Variants in C12orf56 observed in about 807,000 individuals in gnomAD.
C12orf56 encodes uncharacterized protein C12orf56.
A neutral mutation model predicts 69.9 loss-of-function variants in C12orf56; 71 were observed. The observed-to-expected ratio is 1.02, with a 90% CI of 0.84 to 1.24. C12orf56 has a LOEUF of 1.24. Among genes scored for constraint, C12orf56 ranks in the 50% most tolerant of loss-of-function variants. The pLI is 0.00. For missense variants in C12orf56, 732 were observed against 738.5 expected (o/e 0.99, Z 0.10); for synonymous variants, 276 against 274.1 (o/e 1.01, Z -0.07).
At chr12:64,308,111 G>T (rs2038540293) in intron 5 of C12orf56, among the ~76,000 whole-genome samples, 2 of 152,080 alleles carry the variant, frequency 1.3e-5, no homozygotes, top group Admixed American at 1.3e-4. Flanking sequence ...CTGAGCTTAG[G>T]ATTTCGAGAC....
rs1592448654 is a variant in C12orf56 at position 64,318,467 on chromosome 12, C to T, written c.894+108G>A. ...TGTTTTTCACAATATTATTAAATTC[C>T]AAGGCTAAATTTCCAAAATGGGAGG... On this transcript the variant is annotated intron_variant, in intron 4 of 12. Coordinates refer to ENST00000543942, the MANE Select transcript of C12orf56 (RefSeq NM_001170633.2). The T allele has an allele frequency of 2.0e-5, 19 of 942,042 alleles. No individual in the cohort carries two copies. In the East Asian group the frequency reaches 4.8e-4, roughly 24 times the overall value. 58.4% of individuals were successfully genotyped at this position (942,042 alleles called of 1,614,324 possible). A position where few individuals can be genotyped will look rare whatever the true frequency, so the allele number is the denominator to read the frequency against.
intron 5 of C12orf56, among the ~76,000 whole-genome samples, chr12:64,304,632 A>G (rs1409118962): frequency 2.0e-5 from 3 of 152,168 alleles, no homozygotes; most frequent in African/African-American, 7.2e-5. Context: ...AGCAACTTGG[A>G]AAAAATGTCA....
Position 64,390,457 on chromosome 12 carries a change from C to A in C12orf56, c.109G>T (p.Glu37Ter). Residue 37 changes from glutamate to a stop codon, truncating the protein, a stop_gained, in exon 1 of 13, where the codon GAG (glutamate) becomes TAG (stop). Transcript: ENST00000543942. LOFTEE classifies it high-confidence loss of function. ...PEVYDAVRAY[E>*]PCIVVSNSEN... ...GAGTTGGACACCACGATGCATGGCT[C>A]GTAGGCGCGGACCGCGTCGTAGACC... 6.2e-7 allele frequency: 1 copy of A among 1,609,530 alleles called. No homozygotes were observed. The highest frequency in any genetic ancestry group is 8.5e-7 in the Non-Finnish European group (1 of 1,179,702).
At chr12:64,330,751 T>G (rs6581540) in intron 3 of C12orf56, among the ~76,000 whole-genome samples, 13 of 151,938 alleles carry the variant, frequency 8.6e-5, no homozygotes, top group Non-Finnish European at 1.8e-4. Flanking sequence ...TGTTCAGTAA[T>G]ATATAGAAAA....
In C12orf56 at chr12:64,380,140, CAAACA is replaced by C. The variant is rs1247150741; in HGVS notation, c.252+10169_252+10173del. Among the ~76,000 whole-genome samples the C allele has an allele frequency of 3.6e-3, 113 of 31,660 alleles. 2 individuals carry two copies. The highest frequency in any genetic ancestry group is 9.0e-3 in the African/African-American group (112 of 12,472). The allele number at this position is 31,660 out of a possible 152,430, so 20.8% of individuals were successfully genotyped here. A position where few individuals can be genotyped will look rare whatever the true frequency, so the allele number is the denominator to read the frequency against. On this transcript the variant is annotated intron_variant, in intron 1 of 12. Transcript: ENST00000543942. ...AAAAAAAAAAAAAAAAAAAACAAAA[CAAACA>C]AAAAAAAACGCACAATGCAGCTAAA...
intron 2 of C12orf56, among the ~76,000 whole-genome samples, chr12:64,352,157 T>C (rs1220759777): frequency 6.6e-6 from 1 of 151,434 alleles, no homozygotes; most frequent in Non-Finnish European, 1.5e-5. Flanking sequence ...CCCCTCTCCC[T>C]GGGCAAACAA....
At chr12:64,389,972 T>C (rs1347117733) in intron 1 of C12orf56, among the ~76,000 whole-genome samples, 1 of 152,164 alleles carries the variant, frequency 6.6e-6, no homozygotes, top group East Asian at 1.9e-4. Flanking sequence ...CCTCCGAGTC[T>C]AGCACAGTGC....
chr12:64,298,958 T>C (rs970791165), intron 6 of C12orf56, among the ~76,000 whole-genome samples: 3 of 152,234 alleles, frequency 2.0e-5, no homozygotes, highest in Non-Finnish European at 4.4e-5. Context: ...ATTGAATCTA[T>C]AAATTACTTT....
intron 1 of C12orf56, among the ~76,000 whole-genome samples, chr12:64,369,493 T>C (rs1391105470): frequency 6.6e-6 from 1 of 152,076 alleles, no homozygotes; most frequent in Non-Finnish European, 1.5e-5. Flanking sequence ...CCACTGTGCC[T>C]GGCCTTAAAA....
intron 6 of C12orf56, among the ~76,000 whole-genome samples, chr12:64,300,534 G>GT (rs1193223639): frequency 3.9e-5 from 6 of 152,092 alleles, no homozygotes; most frequent in African/African-American, 1.4e-4. Context: ...TGTGTCCAGT[G>GT]TATCTGGGTG....
rs60079906 is a variant in C12orf56 at position 64,380,104 on chromosome 12, C to CAAAAAAAAAAAAA, written c.252+10197_252+10209dup. ...TGGGCGACAGAGCAAGACTCCGTCG[C>CAAAAAAAAAAAAA]AAAAAAAAAAAAAAAAAAAAAAAAA... On this transcript the variant is annotated intron_variant, in intron 1 of 12. Coordinates refer to ENST00000543942, the MANE Select transcript of C12orf56 (RefSeq NM_001170633.2). Among the ~76,000 whole-genome samples the CAAAAAAAAAAAAA allele has an allele frequency of 1.3e-3, 64 of 49,968 alleles. 1 individual carries two copies. Among genetic ancestry groups the CAAAAAAAAAAAAA allele is most frequent in the East Asian group, 1.7e-3 (2 of 1,198 alleles). The allele number at this position is 49,968 out of a possible 152,430, so 32.8% of individuals were successfully genotyped here.
Position 64,346,936 on chromosome 12 carries a change from CTATATCTATATA to C in C12orf56, c.415+5946_415+5957del, listed in dbSNP as rs1565767473. Among the ~76,000 whole-genome samples the C allele has an allele frequency of 3.3e-5, 5 of 151,984 alleles. No homozygotes were observed. In the South Asian group the frequency reaches 6.3e-4, roughly 19 times the overall value. On this transcript the variant is annotated intron_variant, in intron 2 of 12. Coordinates refer to ENST00000543942, the MANE Select transcript of C12orf56 (RefSeq NM_001170633.2). ...AAAAAGAAAATATCTATATCTATACCTATATCTATATATATATCTATCTATATCTGTCTATCT... is the reference window on the plus strand; with the variant it reads ...AAAAAGAAAATATCTATATCTATACCTATATCTATCTATATCTGTCTATCT...
At chr12:64,324,136 C>T (rs1257438811) in intron 3 of C12orf56, among the ~76,000 whole-genome samples, 2 of 152,166 alleles carry the variant, frequency 1.3e-5, no homozygotes, top group Non-Finnish European at 2.9e-5. Flanking sequence ...AATCACACTC[C>T]CACAAGCCAA....
At chr12:64,386,317 G>C (rs552471631) in intron 1 of C12orf56, among the ~76,000 whole-genome samples, 3 of 136,596 alleles carry the variant, frequency 2.2e-5, no homozygotes, top group African/African-American at 8.2e-5. Context: ...GGGTTCAAGC[G>C]ATTCTCCCAC....
At chr12:64,333,532 C>T (rs964921239) in intron 2 of C12orf56, among the ~76,000 whole-genome samples, 15 of 151,884 alleles carry the variant, frequency 9.9e-5, no homozygotes, top group Non-Finnish European at 2.1e-4. Flanking sequence ...AGAAGAGTCT[C>T]ACTCTGTCGC....
intron 6 of C12orf56, among the ~76,000 whole-genome samples, chr12:64,300,698 CA>C (rs2038432472): frequency 6.6e-6 from 1 of 152,208 alleles, no homozygotes. Context: ...TTTGTGCAGA[CA>C]TCCAGTTGTA....
In C12orf56 at chr12:64,285,991, C is replaced by T. The variant is rs374180143; in HGVS notation, c.1183G>A (p.Ala395Thr). The change falls in exon 7 of 13, where the codon GCA (alanine) becomes ACA (threonine). Residue 395 changes from alanine to threonine, a missense_variant. Transcript: ENST00000543942. ...EYLPESRDKN[A>T]LQNQSQRVDE... ...ACCCTTTGGCTTTGATTTTGTAGTGCATTCTTATCCCTAGACTCCGGCAAG... is the reference window on the plus strand; with the variant it reads ...ACCCTTTGGCTTTGATTTTGTAGTGTATTCTTATCCCTAGACTCCGGCAAG... 5.0e-6 allele frequency: 8 copies of T among 1,609,906 alleles called. No homozygotes were observed. The African/African-American group carries it at 6.7e-5, about 13-fold the overall frequency.
intron 3 of C12orf56, among the ~76,000 whole-genome samples, chr12:64,322,872 T>C (rs920091879): frequency 6.6e-6 from 1 of 152,158 alleles, no homozygotes; most frequent in African/African-American, 2.4e-5. Context: ...CAGCTCCCTC[T>C]TCACCCTCCT....
intron 1 of C12orf56, among the ~76,000 whole-genome samples, chr12:64,360,541 T>A (rs569043808): frequency 6.6e-6 from 1 of 152,194 alleles, no homozygotes. Flanking sequence ...GATAGATAGA[T>A]AGGATATTGT....
Sources: gnomAD v4.1 joint callset for allele counts (sites outside exome capture counted in the v4.1 genomes callset) on GRCh38, gnomAD v4.1.1 for gene constraint, MANE v1.5 for transcripts, NCBI Gene and HGNC (gene_info 2026-07-23, HGNC 2026-07-21) for gene names.